Variants in CDIN1 observed in about 807,000 individuals in gnomAD.
CDIN1 encodes CDAN1-interacting nuclease 1.
CDIN1 carries 33 observed loss-of-function variants against 45.3 expected under a neutral mutation model. That is an observed-to-expected ratio of 0.73 (90% CI 0.55 to 0.97). The LOEUF is 0.97. CDIN1 is among the 50% of genes least tolerant of loss of function. CDIN1 has a pLI of 0.00. For missense variants in CDIN1, 303 were observed against 339.4 expected, an observed-to-expected ratio of 0.89 and a Z score of 0.84; for synonymous variants, 118 against 124.4, an observed-to-expected ratio of 0.95 and a Z score of 0.34.
intron 10 of CDIN1, among the ~76,000 whole-genome samples, chr15:36,801,433 C>G (rs2055042787): frequency 6.6e-6 from 1 of 152,112 alleles, no homozygotes; most frequent in Non-Finnish European, 1.5e-5. Context: ...CATCTGTATA[C>G]TAGAGGTATT....
chr15:36,673,153 G>C (rs1056688774), intron 5 of CDIN1, among the ~76,000 whole-genome samples: 2 of 152,054 alleles, frequency 1.3e-5, no homozygotes, highest in African/African-American at 4.8e-5. Context: ...AAATTTAAGA[G>C]GAGTAAATTG....
intron 5 of CDIN1, among the ~76,000 whole-genome samples, chr15:36,678,450 G>A (rs1285940525): frequency 6.6e-6 from 1 of 152,194 alleles, no homozygotes; most frequent in Non-Finnish European, 1.5e-5. Context: ...CACATGAAGA[G>A]GCAAAGCTCC....
chr15:36,641,588 A>G (rs1455067271), intron 1 of CDIN1: 1 of 152,204 alleles, frequency 6.6e-6, no homozygotes, highest in African/African-American at 2.4e-5. Context: ...GTACAAATTA[A>G]ATGACTGCCT....
At chr15:36,593,834 G>A (rs1395912701) in intron 1 of CDIN1, among the ~76,000 whole-genome samples, 1 of 152,154 alleles carries the variant, frequency 6.6e-6, no homozygotes, top group East Asian at 1.9e-4. Context: ...AAAGTGCTGG[G>A]ATTACAGGCT....
intron 10 of CDIN1, among the ~76,000 whole-genome samples, chr15:36,748,943 A>G (rs575717045): frequency 6.5e-4 from 99 of 152,296 alleles, no homozygotes; most frequent in Admixed American, 1.4e-3. Context: ...TATCACTACA[A>G]ATAAAACTGC....
At chr15:36,732,791 C>G (rs2043879146) in intron 10 of CDIN1, among the ~76,000 whole-genome samples, 1 of 151,860 alleles carries the variant, frequency 6.6e-6, no homozygotes, top group African/African-American at 2.4e-5. Flanking sequence ...TTATAACATC[C>G]TATATTTTCT....
At chr15:36,779,798 T>A (rs1226655104) in intron 10 of CDIN1, among the ~76,000 whole-genome samples, 1 of 152,170 alleles carries the variant, frequency 6.6e-6, no homozygotes, top group African/African-American at 2.4e-5. Flanking sequence ...GTTTTGTTTT[T>A]TAGAGGAAGG....
chr15:36,613,045 G>A (rs1025208802), intron 1 of CDIN1, among the ~76,000 whole-genome samples: 16 of 152,186 alleles, frequency 1.1e-4, no homozygotes, highest in African/African-American at 3.6e-4. Context: ...TTAATTAGGA[G>A]CACACACTCT....
At position 36,808,414 on chromosome 15, in the gene CDIN1, C is replaced by G. The variant is rs2089415282; in HGVS notation, c.807C>G (p.Phe269Leu). The change falls in exon 11 of 11, where the codon TTC (phenylalanine) becomes TTG (leucine). Residue 269 changes from phenylalanine to leucine, a missense_variant. Phe to Leu is a conservative substitution (Grantham distance 22). Transcript: ENST00000566621. Reference sequence around the variant, plus strand: ...GGGGCATCCTGCTCAAAGCCTGTTTCCCCACGAACATTGTCACCTTATGCC... The same window carrying G: ...GGGGCATCCTGCTCAAAGCCTGTTTGCCCACGAACATTGTCACCTTATGCC... Reference protein sequence around the residue: ...RERGILLKACFPTNIVTLCHS... With the variant: ...RERGILLKACLPTNIVTLCHS... The G allele has an allele frequency of 6.2e-7, 1 of 1,613,442 alleles. No homozygotes were observed. The highest frequency in any genetic ancestry group is 1.3e-5 in the African/African-American group (1 of 74,898).
At chr15:36,779,656 G>A (rs1024047461) in intron 10 of CDIN1, among the ~76,000 whole-genome samples, 2 of 152,190 alleles carry the variant, frequency 1.3e-5, no homozygotes, top group Non-Finnish European at 2.9e-5. Flanking sequence ...GTGACGGAAA[G>A]AATCAGTAAT....
chr15:36,738,098 T>C (rs1383552594), intron 10 of CDIN1, among the ~76,000 whole-genome samples: 2 of 152,180 alleles, frequency 1.3e-5, no homozygotes, highest in African/African-American at 4.8e-5. Context: ...TGTTGGAGTG[T>C]CCCAGAGCTC....
intron 10 of CDIN1, among the ~76,000 whole-genome samples, chr15:36,715,558 A>AGT (rs1453455583): frequency 1.3e-4 from 19 of 151,894 alleles, no homozygotes; most frequent in South Asian, 4.1e-4. Flanking sequence ...CTTAAGTTGG[A>AGT]GTATGTGCCT....
At chr15:36,694,960 T>A (rs1485296535) in intron 7 of CDIN1, among the ~76,000 whole-genome samples, 1 of 152,224 alleles carries the variant, frequency 6.6e-6, no homozygotes, top group Non-Finnish European at 1.5e-5. Context: ...TCAAATGTCT[T>A]CAATGGACTC....
At chr15:36,696,934 C>T (rs1358883131) in intron 7 of CDIN1, among the ~76,000 whole-genome samples, 6 of 132,452 alleles carry the variant, frequency 4.5e-5, no homozygotes, top group Admixed American at 1.7e-4. Flanking sequence ...CAACATAGTG[C>T]GATTCCATTT....
chr15:36,629,260 A>G (rs910676006), intron 1 of CDIN1, among the ~76,000 whole-genome samples: 1 of 152,204 alleles, frequency 6.6e-6, no homozygotes, highest in Non-Finnish European at 1.5e-5. Context: ...TGTTTAGTAA[A>G]TTTTTATTTT....
chr15:36,583,877 A>G (rs1164696618), intron 1 of CDIN1, among the ~76,000 whole-genome samples: 1 of 152,084 alleles, frequency 6.6e-6, no homozygotes, highest in Admixed American at 6.5e-5. Context: ...TTAGCTGGGC[A>G]CGGTGGCGGG....
At chr15:36,643,195 ATT>A (rs929415063) in intron 1 of CDIN1, among the ~76,000 whole-genome samples, 11 of 152,054 alleles carry the variant, frequency 7.2e-5, no homozygotes, top group African/African-American at 2.7e-4. Flanking sequence ...CATTTAGGGT[ATT>A]TTTTTCTTAA....
At position 36,679,049 on chromosome 15, in the gene CDIN1, G is replaced by C. The variant is rs16963859; in HGVS notation, c.347-12636G>C. On this transcript the variant is annotated intron_variant, in intron 5 of 10. Coordinates refer to ENST00000566621, the MANE Select transcript of CDIN1 (RefSeq NM_001321759.2). ...TTATAGACAAGACTTAAATAACAAAGTTTCCAAGAGTGACAACACATTCAC... is the reference window on the plus strand; with the variant it reads ...TTATAGACAAGACTTAAATAACAAACTTTCCAAGAGTGACAACACATTCAC... Among the ~76,000 whole-genome samples, 1,073 of 152,294 alleles carry C rather than the reference G, an allele frequency of 7.0e-3. 15 individuals carry two copies. The highest frequency in any genetic ancestry group is 0.024 in the African/African-American group (1,005 of 41,568).
At chr15:36,605,687 C>G (rs2038330834) in intron 1 of CDIN1, among the ~76,000 whole-genome samples, 1 of 152,202 alleles carries the variant, frequency 6.6e-6, no homozygotes, top group South Asian at 2.1e-4. Flanking sequence ...GAAGGCTTTG[C>G]AACAGGTGCA....
Sources: gnomAD v4.1 joint callset for allele counts (sites outside exome capture counted in the v4.1 genomes callset) on GRCh38, gnomAD v4.1.1 for gene constraint, MANE v1.5 for transcripts, NCBI Gene and HGNC (gene_info 2026-07-23, HGNC 2026-07-21) for gene names.